MSH3: variants seen among roughly 807,000 people sequenced by gnomAD.
MSH3 encodes the protein DNA mismatch repair protein Msh3.
A neutral mutation model predicts 123.3 loss-of-function variants in MSH3; 106 were observed. The ratio of observed to expected loss-of-function variants is 0.86; its 90% confidence interval spans 0.73 to 1.01. The LOEUF is 1.01. MSH3 is among the 50% of genes least tolerant of loss of function. The pLI is 0.00. For synonymous variants in MSH3, 515 were observed against 481.4 expected (o/e 1.07, Z -0.91); for missense variants, 1,459 against 1,347.6 (o/e 1.08, Z -1.29).
chr5:80,772,084 C>T (rs556755445), intron 15 of MSH3, among the ~76,000 whole-genome samples: 1 of 151,994 alleles, frequency 6.6e-6, no homozygotes, highest in African/African-American at 2.4e-5. Flanking sequence ...TGAATATATA[C>T]CAATTATCTC....
At chr5:80,832,263 G>C (rs1049662870) in intron 20 of MSH3, among the ~76,000 whole-genome samples, 7 of 152,172 alleles carry the variant, frequency 4.6e-5, no homozygotes, top group East Asian at 3.9e-4. Flanking sequence ...GATGGGGAAA[G>C]GGGAGAGTAA....
At chr5:80,822,981 C>T (rs1464836814) in intron 20 of MSH3, among the ~76,000 whole-genome samples, 1 of 152,184 alleles carries the variant, frequency 6.6e-6, no homozygotes, top group Admixed American at 6.5e-5. Context: ...TTCCATCAAA[C>T]ATACTAGTTT....
chr5:80,693,015 A>G (rs200603193), intron 8 of MSH3, among the ~76,000 whole-genome samples: 1,639 of 43,732 alleles, frequency 0.037, no homozygotes, highest in East Asian at 0.085. Context: ...GCACATGTAT[A>G]TGTTTAGATA....
rs772505587 is a variant in MSH3 at position 80,674,987 on chromosome 5, G to T, written c.1032G>T (p.Val344=). 6.3e-7 allele frequency: 1 copy of T among 1,599,808 alleles called. No homozygotes were observed. The highest frequency in any genetic ancestry group is 2.2e-5 in the East Asian group (1 of 44,634). ...YTKSTLIGED[V]NPLIKLDDAV... is the part of the protein sequence containing the mutation. ...TTTTTCTTTAATTATTATTAAATGT[G>T]AATCCCCTAATCAAGCTGGATGATG... The change falls in exon 7 of 24, where the codon GTG becomes GTT. Residue 344 remains valine (V), a synonymous_variant. Coordinates refer to ENST00000265081, the MANE Select transcript of MSH3 (RefSeq NM_002439.5).
intron 16 of MSH3, among the ~76,000 whole-genome samples, chr5:80,776,928 A>ATATAT (rs71640414): frequency 0.081 from 11,302 of 139,176 alleles, 479 homozygotes; most frequent in East Asian, 0.095. Context: ...ATATATATAT[A>ATATAT]TTTTTTTTTT....
intron 10 of MSH3, among the ~76,000 whole-genome samples, chr5:80,731,943 A>G (rs539734799): frequency 1.3e-5 from 2 of 152,286 alleles, no homozygotes; most frequent in South Asian, 2.1e-4. Flanking sequence ...TGCTTTCACA[A>G]ACGTTGCTGC....
In MSH3 at chr5:80,778,687, G is replaced by A. The variant is rs775473947; in HGVS notation, c.2319-33G>A. The A allele has an allele frequency of 4.8e-6, 6 of 1,253,934 alleles. No individual in the cohort carries two copies. The Admixed American group carries it at 1.0e-4, about 21-fold the overall frequency. The allele number at this position is 1,253,934 out of a possible 1,614,324, so 77.7% of individuals were successfully genotyped here. ...GCATTTCGGATTTTTTACTAACCTTGATTTCCTATTTGTGTTCTTTCCCCT... is the reference window on the plus strand; with the variant it reads ...GCATTTCGGATTTTTTACTAACCTTAATTTCCTATTTGTGTTCTTTCCCCT... On this transcript the variant is annotated intron_variant, in intron 16 of 23. Transcript: ENST00000265081.
At chr5:80,819,380 G>GTGTGTA (rs1173844626) in intron 20 of MSH3, among the ~76,000 whole-genome samples, 4 of 14,008 alleles carry the variant, frequency 2.9e-4, no homozygotes, top group East Asian at 5.2e-3. Flanking sequence ...ATATATATGT[G>GTGTGTA]TATATATGTA....
chr5:80,722,035 AG>A, intron 8 of MSH3, among the ~76,000 whole-genome samples: 1 of 152,342 alleles, frequency 6.6e-6, no homozygotes, highest in South Asian at 2.1e-4. Flanking sequence ...GTTTTTGTGA[AG>A]AAAAAAAATA....
intron 16 of MSH3, among the ~76,000 whole-genome samples, chr5:80,776,928 A>ATTTT (rs551087715): frequency 0.041 from 5,708 of 139,274 alleles, 246 homozygotes; most frequent in East Asian, 0.18. Context: ...ATATATATAT[A>ATTTT]TTTTTTTTTT....
At chr5:80,755,354 A>G (rs1561467228) in intron 12 of MSH3, among the ~76,000 whole-genome samples, 5 of 152,162 alleles carry the variant, frequency 3.3e-5, no homozygotes, top group African/African-American at 4.8e-5. Context: ...CCTGCAGCAA[A>G]TGGCAGCTTT....
chr5:80,759,847 A>G (rs1295914381), intron 12 of MSH3, among the ~76,000 whole-genome samples: 1 of 152,196 alleles, frequency 6.6e-6, no homozygotes, highest in Non-Finnish European at 1.5e-5. Context: ...TGGAAGAGCC[A>G]GCCCGTGTGT....
intron 12 of MSH3, chr5:80,746,536 C>T (rs1743723795): frequency 1.1e-5 from 5 of 448,384 alleles, no homozygotes; most frequent in Admixed American, 7.5e-5. Flanking sequence ...AAAAAGTATT[C>T]CTTGATCGAC....
intron 20 of MSH3, among the ~76,000 whole-genome samples, chr5:80,827,046 C>T (rs1745328824): frequency 6.6e-6 from 1 of 152,154 alleles, no homozygotes; most frequent in Non-Finnish European, 1.5e-5. Context: ...TCCTTGAATG[C>T]ATCACTGAGA....
chr5:80,781,574 C>G (rs141829703), intron 17 of MSH3, among the ~76,000 whole-genome samples: 196 of 151,848 alleles, frequency 1.3e-3, no homozygotes, highest in African/African-American at 4.5e-3. Context: ...CTCAAGCAAT[C>G]CTTCCACCTC....
chr5:80,728,789 A>AT (rs1743350864), intron 9 of MSH3, 62 bp from the exon 10 acceptor site: 1 of 911,640 alleles, frequency 1.1e-6, no homozygotes, highest in Non-Finnish European at 1.8e-6. Flanking sequence ...TGTTTATTAC[A>AT]TTTTTTAATT....
At chr5:80,845,811 T>C (rs1182635664) in intron 20 of MSH3, among the ~76,000 whole-genome samples, 1 of 152,208 alleles carries the variant, frequency 6.6e-6, no homozygotes, top group African/African-American at 2.4e-5. Flanking sequence ...TCTAACCTTT[T>C]TTCAAGGTTT....
intron 19 of MSH3, among the ~76,000 whole-genome samples, chr5:80,808,751 A>G (rs1459030743): frequency 6.6e-6 from 1 of 151,330 alleles, no homozygotes; most frequent in Non-Finnish European, 1.5e-5. Flanking sequence ...GTATAGTTTT[A>G]AAAGCCAGCA....
chr5:80,671,697 T>A (rs998111845), intron 4 of MSH3, among the ~76,000 whole-genome samples: 17 of 152,332 alleles, frequency 1.1e-4, no homozygotes, highest in Admixed American at 3.3e-4. Flanking sequence ...GGGCAATATC[T>A]AAGCCATGGT....
Sources: allele counts gnomAD v4.1 joint callset (sites outside exome capture counted in the v4.1 genomes callset), GRCh38; gene constraint gnomAD v4.1.1; transcripts MANE v1.5; gene names NCBI Gene and HGNC (gene_info 2026-07-23, HGNC 2026-07-21).